Variants in WDR59 observed in about 807,000 individuals in gnomAD.
The protein encoded by WDR59 is WD repeat domain 59.
A neutral mutation model predicts 131.2 loss-of-function variants in WDR59; 100 were observed. The observed-to-expected ratio is 0.76, with a 90% CI of 0.65 to 0.90. The LOEUF (loss-of-function observed/expected upper bound fraction) is 0.90, where lower values mean the gene tolerates loss of function less well. Among genes scored for constraint, WDR59 ranks in the 40% least tolerant of loss-of-function variants. WDR59 has a pLI of 0.00. For missense variants in WDR59, 1,203 were observed against 1,262.2 expected (o/e 0.95, Z 0.71); for synonymous variants, 601 against 466.2 (o/e 1.29, Z -3.72).
At chr16:74,935,929 G>A (rs937383424) in intron 8 of WDR59, among the ~76,000 whole-genome samples, 7 of 151,634 alleles carry the variant, frequency 4.6e-5, no homozygotes, top group African/African-American at 1.2e-4. Flanking sequence ...CCTGGGAGAC[G>A]GAGGTTGCAG....
chr16:74,942,938 C>A, intron 6 of WDR59, 112 bp from the exon 7 acceptor site: 3 of 898,532 alleles, frequency 3.3e-6, no homozygotes, highest in Non-Finnish European at 5.1e-6. Flanking sequence ...GCCCAGAACC[C>A]TTCAAGTTTC....
At chr16:74,956,008 C>T (rs551773865) in intron 3 of WDR59, among the ~76,000 whole-genome samples, 4 of 152,056 alleles carry the variant, frequency 2.6e-5, no homozygotes, top group African/African-American at 7.2e-5. Flanking sequence ...ATGGGGTTAA[C>T]GAAATCTAAT....
intron 8 of WDR59, among the ~76,000 whole-genome samples, chr16:74,929,180 T>C (rs1420491033): frequency 2.0e-5 from 3 of 152,166 alleles, no homozygotes; most frequent in African/African-American, 2.4e-5. Context: ...GTTCATGCCA[T>C]TCTCCTGCCT....
At chr16:74,946,700 G>A (rs149215667) in intron 6 of WDR59, among the ~76,000 whole-genome samples, 2 of 151,960 alleles carry the variant, frequency 1.3e-5, no homozygotes, top group East Asian at 3.9e-4. Flanking sequence ...TCCAGCCTGG[G>A]TGACAGAGTG....
At chr16:74,881,902 A>AG (rs896812872) in intron 25 of WDR59, among the ~76,000 whole-genome samples, 1 of 151,932 alleles carries the variant, frequency 6.6e-6, no homozygotes, top group African/African-American at 2.4e-5. Context: ...AAAAAGAAAA[A>AG]AAAAAGGAAA....
chr16:74,900,661 C>G (rs545692701), intron 18 of WDR59, among the ~76,000 whole-genome samples: 2 of 152,212 alleles, frequency 1.3e-5, no homozygotes, highest in South Asian at 4.1e-4. Context: ...AGGCGTCACA[C>G]GTTTTAAAAT....
In WDR59 at chr16:74,885,890, T is replaced by C. The variant is rs1211582669; in HGVS notation, c.2547-95A>G. On this transcript the variant is annotated intron_variant, in intron 24 of 25. Coordinates refer to ENST00000262144, the MANE Select transcript of WDR59 (RefSeq NM_030581.4). Reference sequence around the variant, plus strand: ...TAATATACCCTTCTTAAAGCAACAGTCCTGGCCAGGCACGGTGGCTAACAC... The same window carrying C: ...TAATATACCCTTCTTAAAGCAACAGCCCTGGCCAGGCACGGTGGCTAACAC... The C allele has an allele frequency of 1.0e-5, 15 of 1,464,608 alleles. No individual in the cohort carries two copies. The African/African-American group carries it at 1.6e-4, about 15-fold the overall frequency. The allele number at this position is 1,464,608 out of a possible 1,614,324, so 90.7% of individuals were successfully genotyped here.
At chr16:74,888,029 A>C (rs1019691138) in intron 22 of WDR59, 140 bp downstream of exon 22, 12 of 1,129,870 alleles carry the variant, frequency 1.1e-5, no homozygotes, top group Non-Finnish European at 1.3e-5. Context: ...GAGGCACGAG[A>C]ATTGCTTGAA....
At chr16:74,919,042 G>A (rs1943658778) in intron 10 of WDR59, among the ~76,000 whole-genome samples, 1 of 152,042 alleles carries the variant, frequency 6.6e-6, no homozygotes. Flanking sequence ...TCCTGCCCCT[G>A]ACTTTGACGA....
chr16:74,944,382 C>T (rs1431775510), intron 6 of WDR59, among the ~76,000 whole-genome samples: 1 of 151,204 alleles, frequency 6.6e-6, no homozygotes, highest in Non-Finnish European at 1.5e-5. Flanking sequence ...AGGAGAATTG[C>T]TTGAACCTAG....
intron 8 of WDR59, among the ~76,000 whole-genome samples, chr16:74,926,129 G>A (rs912955725): frequency 7.0e-6 from 1 of 142,662 alleles, no homozygotes; most frequent in African/African-American, 2.6e-5. Flanking sequence ...GTGTGATCTC[G>A]GCTCACTGCA....
chr16:74,897,102 G>C (rs1347151561), intron 18 of WDR59, among the ~76,000 whole-genome samples: 1 of 152,184 alleles, frequency 6.6e-6, no homozygotes, highest in Non-Finnish European at 1.5e-5. Flanking sequence ...CTGCATGAAG[G>C]AGATTGGCAC....
intron 18 of WDR59, among the ~76,000 whole-genome samples, chr16:74,901,626 G>T (rs763335923): frequency 1.3e-5 from 2 of 151,084 alleles, no homozygotes; most frequent in Admixed American, 6.6e-5. Flanking sequence ...CTGGGCAATG[G>T]GCAACAGAGT....
At chr16:74,959,595 G>A in intron 2 of WDR59, 2 of 428,714 alleles carry the variant, frequency 4.7e-6, no homozygotes, top group African/African-American at 2.1e-5. Context: ...GACCTTATCT[G>A]CATAAAGAAA....
At chr16:74,962,668 G>C (rs764285075) in intron 2 of WDR59, among the ~76,000 whole-genome samples, 5 of 152,024 alleles carry the variant, frequency 3.3e-5, no homozygotes, top group Non-Finnish European at 7.4e-5. Context: ...TTGCTTATCA[G>C]CTTAAGAAGC....
At position 74,970,136 on chromosome 16, in the gene WDR59, G is replaced by C. The variant is rs960253439; in HGVS notation, c.55-4314C>G. Among the ~76,000 whole-genome samples the C allele has an allele frequency of 7.2e-5, 11 of 152,194 alleles. No homozygotes were observed. In the East Asian group the frequency reaches 1.7e-3, roughly 24 times the overall value. On this transcript the variant is annotated intron_variant, in intron 1 of 25. Coordinates refer to ENST00000262144, the MANE Select transcript of WDR59 (RefSeq NM_030581.4). Reference sequence around the variant, plus strand: ...GATAGTGTTTCACCATGCTGCCTAGGCTAGTCTAGAACTCCTTTCCCTATT... The same window carrying C: ...GATAGTGTTTCACCATGCTGCCTAGCCTAGTCTAGAACTCCTTTCCCTATT...
intron 3 of WDR59, 131 bp from the exon 4 acceptor site, chr16:74,951,674 T>C (rs1162345838): frequency 8.0e-6 from 6 of 751,714 alleles, no homozygotes; most frequent in Non-Finnish European, 1.4e-5. Context: ...TGAACTTTTC[T>C]TTAAAAAGCC....
At chr16:74,920,564 C>A (rs920613920) in intron 10 of WDR59, among the ~76,000 whole-genome samples, 3 of 152,138 alleles carry the variant, frequency 2.0e-5, no homozygotes, top group Non-Finnish European at 4.4e-5. Context: ...CCACACCTGG[C>A]TCATTTTTGT....
intron 17 of WDR59, among the ~76,000 whole-genome samples, chr16:74,907,808 A>G (rs1042290559): frequency 1.3e-5 from 2 of 152,226 alleles, no homozygotes; most frequent in Non-Finnish European, 2.9e-5. Flanking sequence ...GTGGTGTTTT[A>G]AACATTTTTA....
Sources: allele counts gnomAD v4.1 joint callset (sites outside exome capture counted in the v4.1 genomes callset), GRCh38; gene constraint gnomAD v4.1.1; transcripts MANE v1.5; gene names NCBI Gene and HGNC (gene_info 2026-07-23, HGNC 2026-07-21).